TRIM23: variants seen among roughly 807,000 people sequenced by gnomAD.
TRIM23 encodes tripartite motif containing 23.
In TRIM23, 27 loss-of-function variants were observed where a neutral mutation model predicts 71.0. The ratio of observed to expected loss-of-function variants is 0.38; its 90% CI spans 0.28 to 0.52. The LOEUF is 0.52. Ranked by LOEUF, TRIM23 falls within the 20% of genes least tolerant of loss-of-function variation. The probability of loss-of-function intolerance (pLI) is 0.84; values close to 1 mark genes in which losing one functional copy is unlikely to be tolerated. For missense variants in TRIM23, 482 were observed against 692.3 expected (o/e 0.70, Z 3.41); for synonymous variants, 234 against 238.0 (o/e 0.98, Z 0.16).
intron 1 of TRIM23, among the ~76,000 whole-genome samples, chr5:65,621,765 CTT>C (rs1360039003): frequency 6.6e-6 from 1 of 151,866 alleles, no homozygotes; most frequent in Non-Finnish European, 1.5e-5. Context: ...AAGCTTCAAA[CTT>C]ATTACTTGTA....
In TRIM23 at chr5:65,596,512, TAC is replaced by T. The variant is rs1561741338; in HGVS notation, c.1327_1328del (p.Val443ArgfsTer3). 6.2e-7 allele frequency: 1 copy of T among 1,605,776 alleles called. No homozygotes were observed. The highest frequency in any genetic ancestry group is 8.5e-7 in the Non-Finnish European group (1 of 1,173,834). ...TAGTGAATTTTAGATTTTTATATTC[TAC>T]AGTTTCCACGTTAAAACCTGTTTTA... ...IPTIGFNVET[V>X]EYKNLKFTIW... On this transcript the variant is annotated frameshift_variant, in exon 9 of 11. Transcript: ENST00000231524. LOFTEE classifies it high-confidence loss of function.
intron 1 of TRIM23, among the ~76,000 whole-genome samples, chr5:65,622,222 G>C (rs1268689651): frequency 6.6e-6 from 1 of 152,138 alleles, no homozygotes; most frequent in African/African-American, 2.4e-5. Flanking sequence ...CTGGAATGCA[G>C]TGGCACAAAC....
rs774893391 is a variant in TRIM23 at position 65,624,294 on chromosome 5, C to T, written c.-20G>A. ...AGCCATCCTCGCAGGGGAAGCGCCA[C>T]AGAAACAGCCTTCAGAGTCCTCAAC... On this transcript the variant is annotated 5_prime_UTR_variant, in exon 1 of 11. The change creates a new upstream start codon in the 5' untranslated region. Transcript: ENST00000231524. 34 of 1,613,064 alleles carry T rather than the reference C, an allele frequency of 2.1e-5. 1 individual carries two copies. The South Asian group carries it at 3.4e-4, about 16-fold the overall frequency.
chr5:65,604,396 C>T (rs1383218690), intron 7 of TRIM23, among the ~76,000 whole-genome samples: 4 of 151,878 alleles, frequency 2.6e-5, no homozygotes, highest in Non-Finnish European at 4.4e-5. Flanking sequence ...CACCCGGCCC[C>T]AATTATGTTT....
At chr5:65,608,426 G>T (rs1470209655) in intron 6 of TRIM23, among the ~76,000 whole-genome samples, 1 of 152,116 alleles carries the variant, frequency 6.6e-6, no homozygotes, top group Non-Finnish European at 1.5e-5. Context: ...GATAACCCAA[G>T]ACTGATGAGG....
At chr5:65,594,002 G>A (rs183858080) in intron 10 of TRIM23, among the ~76,000 whole-genome samples, 127 of 152,288 alleles carry the variant, frequency 8.3e-4, no homozygotes, top group African/African-American at 2.6e-3. Context: ...GTCTAGCACT[G>A]TCAGACCTTT....
Position 65,590,301 on chromosome 5 carries a change from A to AAAAGGT in TRIM23, c.*1467_*1468insACCTTT. The AAAAGGT allele has an allele frequency of 7.1e-7, 1 of 1,408,788 alleles. No homozygotes were observed. The highest frequency in any genetic ancestry group is 9.9e-7 in the Non-Finnish European group (1 of 1,014,364). The allele number at this position is 1,408,788 out of a possible 1,614,324, so 87.3% of individuals were successfully genotyped here. A position where few individuals can be genotyped will look rare whatever the true frequency, so the allele number is the denominator to read the frequency against. On this transcript the variant is annotated 3_prime_UTR_variant, in exon 11 of 11. Coordinates refer to ENST00000231524, the MANE Select transcript of TRIM23 (RefSeq NM_001656.4). Reference sequence around the variant, plus strand: ...TACACCTGTAACAGCATGACCTTTTACCTGAAAAATAAAGGATGAAATATT... The same window carrying AAAAGGT: ...TACACCTGTAACAGCATGACCTTTTAAAAGGTCCTGAAAAATAAAGGATGAAATATT...
intron 4 of TRIM23, 22 bp downstream of exon 4, chr5:65,611,581 T>C (rs151111525): frequency 5.5e-5 from 88 of 1,604,060 alleles, no homozygotes; most frequent in South Asian, 1.9e-4. Context: ...GTGATCCAAC[T>C]GATTAATAAT....
At chr5:65,614,026 G>C in intron 3 of TRIM23, 72 bp downstream of exon 3, 1 of 1,580,780 alleles carries the variant, frequency 6.3e-7, no homozygotes, top group African/African-American at 1.4e-5. Flanking sequence ...AAGTAATATT[G>C]TGCTAATAAT....
At chr5:65,609,597 G>T in intron 5 of TRIM23, 139 bp from the exon 6 acceptor site, 1 of 849,278 alleles carries the variant, frequency 1.2e-6, no homozygotes, top group Non-Finnish European at 1.8e-6. Flanking sequence ...AGCCGTGGTG[G>T]CATGTGCCTG....
At chr5:65,600,043 T>G (rs1754318584) in intron 7 of TRIM23, among the ~76,000 whole-genome samples, 2 of 151,984 alleles carry the variant, frequency 1.3e-5, no homozygotes, top group Admixed American at 6.6e-5. Flanking sequence ...GCATTTCACA[T>G]GGCAGGAGCA....
At chr5:65,607,449 A>G (rs932719291) in intron 6 of TRIM23, among the ~76,000 whole-genome samples, 3 of 152,108 alleles carry the variant, frequency 2.0e-5, no homozygotes, top group African/African-American at 4.8e-5. Flanking sequence ...TGATGGTTTT[A>G]AAGTGTGGCA....
intron 7 of TRIM23, among the ~76,000 whole-genome samples, chr5:65,602,415 C>T (rs114079518): frequency 0.019 from 2,910 of 152,254 alleles, 68 homozygotes; most frequent in African/African-American, 0.058. Context: ...CCATCCATAT[C>T]ATTATCAGTA....
chr5:65,597,914 G>C (rs1464217742), intron 7 of TRIM23, among the ~76,000 whole-genome samples: 4 of 152,084 alleles, frequency 2.6e-5, no homozygotes, highest in Admixed American at 2.6e-4. Context: ...ATTTACATAG[G>C]ATTCTTGAAA....
chr5:65,604,247 C>A (rs910561884), intron 7 of TRIM23, among the ~76,000 whole-genome samples: 1 of 152,082 alleles, frequency 6.6e-6, no homozygotes, highest in Non-Finnish European at 1.5e-5. Flanking sequence ...TAGGCATGCA[C>A]CACTATGCCA....
chr5:65,590,526 C>A lies in TRIM23; in HGVS notation c.*1243G>T. The A allele has an allele frequency of 5.3e-6, 6 of 1,123,224 alleles. No homozygotes were observed. The highest frequency in any genetic ancestry group is 4.5e-5 in the East Asian group (1 of 22,302). The allele number at this position is 1,123,224 out of a possible 1,614,324, so 69.6% of individuals were successfully genotyped here. A position where few individuals can be genotyped will look rare whatever the true frequency, so the allele number is the denominator to read the frequency against. ...ACTAATAAGATTTAAGATTTAACTT[C>A]ATCCTAATGTATCAGAACATTAAAA... On this transcript the variant is annotated 3_prime_UTR_variant, in exon 11 of 11. Transcript: ENST00000231524.
intron 7 of TRIM23, among the ~76,000 whole-genome samples, chr5:65,597,480 A>G (rs1192106711): frequency 6.6e-6 from 1 of 152,224 alleles, no homozygotes; most frequent in Non-Finnish European, 1.5e-5. Flanking sequence ...GCTATACTAA[A>G]AAAATCACAA....
chr5:65,609,339 T>C lies in TRIM23; in HGVS notation c.948A>G (p.Glu316=), dbSNP rs775944271. ...GTTGCTGCCTGAGCCAAATCAATTT[T>C]TCACGAACATGAGCATCAACAACAC... The part of the protein sequence containing the change: ...ALSVVDAHVR[E]KLIWLRQQQE... Residue 316 remains glutamate (E), a synonymous_variant, in exon 6 of 11, where the codon GAA becomes GAG. Coordinates refer to ENST00000231524, the MANE Select transcript of TRIM23 (RefSeq NM_001656.4). 6.2e-7 allele frequency: 1 copy of C among 1,614,204 alleles called. No homozygotes were observed. Among genetic ancestry groups the C allele is most frequent in the South Asian group, 1.1e-5 (1 of 91,086 alleles).
At position 65,590,994 on chromosome 5, in the gene TRIM23, A is replaced by G. The variant is rs1754006073; in HGVS notation, c.*775T>C. On this transcript the variant is annotated 3_prime_UTR_variant, in exon 11 of 11. Transcript: ENST00000231524. ...AATTTGTTGAAAAATAGAAGGACCA[A>G]TTTAGAGCTCTGACCTAGGTTCAGT... 2 of 985,908 alleles carry G rather than the reference A, an allele frequency of 2.0e-6. No individual in the cohort carries two copies. The highest frequency in any genetic ancestry group is 2.4e-6 in the Non-Finnish European group (2 of 830,254). The allele number at this position is 985,908 out of a possible 1,614,324, so 61.1% of individuals were successfully genotyped here. A position where few individuals can be genotyped will look rare whatever the true frequency, so the allele number is the denominator to read the frequency against.
Sources: gnomAD v4.1 joint callset for allele counts (sites outside exome capture counted in the v4.1 genomes callset) on GRCh38, gnomAD v4.1.1 for gene constraint, MANE v1.5 for transcripts, NCBI Gene and HGNC (gene_info 2026-07-23, HGNC 2026-07-21) for gene names.